Variants in NOL4L observed in about 807,000 individuals in gnomAD.
NOL4L encodes the protein nucleolar protein 4-like.
Under a neutral mutation model 64.5 loss-of-function variants are expected in NOL4L, and 7 were observed. The ratio of observed to expected loss-of-function variants is 0.11; its 90% confidence interval spans 0.06 to 0.20. The LOEUF is 0.20. NOL4L is among the 10% of genes least tolerant of loss of function. The pLI, the probability that NOL4L is intolerant of heterozygous loss-of-function variation, is 1.00. For synonymous variants in NOL4L, 413 were observed against 401.0 expected (o/e 1.03, Z -0.36); for missense variants, 680 against 967.1 (o/e 0.70, Z 3.94).
intron 1 of NOL4L, among the ~76,000 whole-genome samples, chr20:32,572,162 T>C (rs1979782582): frequency 6.6e-6 from 1 of 152,336 alleles, no homozygotes; most frequent in South Asian, 2.1e-4. Flanking sequence ...CTGTGCTAGC[T>C]GGAGTCTGTA....
chr20:32,537,869 C>T (rs1404310482), intron 1 of NOL4L, among the ~76,000 whole-genome samples: 1 of 151,946 alleles, frequency 6.6e-6, no homozygotes, highest in Admixed American at 6.5e-5. Context: ...ACCTCCGGCT[C>T]CTGGGTTCAA....
chr20:32,497,497 C>T (rs1269483049), intron 4 of NOL4L, among the ~76,000 whole-genome samples: 2 of 152,144 alleles, frequency 1.3e-5, no homozygotes, highest in Non-Finnish European at 2.9e-5. Flanking sequence ...AAACCAGGGA[C>T]GGCTGCAGAA....
At chr20:32,523,558 G>C (rs2018019706) in intron 2 of NOL4L, among the ~76,000 whole-genome samples, 1 of 152,222 alleles carries the variant, frequency 6.6e-6, no homozygotes, top group Non-Finnish European at 1.5e-5. Flanking sequence ...AGATGCTCTA[G>C]TTAATAGGAT....
chr20:32,549,935 A>C (rs1264088067), intron 1 of NOL4L, among the ~76,000 whole-genome samples: 1 of 152,236 alleles, frequency 6.6e-6, no homozygotes, highest in Non-Finnish European at 1.5e-5. Flanking sequence ...TAAAAAGCAG[A>C]GGTGAACACA....
intron 4 of NOL4L, among the ~76,000 whole-genome samples, chr20:32,507,050 G>A (rs1372924012): frequency 6.6e-6 from 1 of 152,150 alleles, no homozygotes; most frequent in Non-Finnish European, 1.5e-5. Flanking sequence ...TGAGCCCTGA[G>A]CCTCTCTGGG....
At chr20:32,571,182 GT>G (rs1186189453) in intron 1 of NOL4L, among the ~76,000 whole-genome samples, 2 of 152,010 alleles carry the variant, frequency 1.3e-5, no homozygotes, top group African/African-American at 4.8e-5. Flanking sequence ...TATTGTGGGG[GT>G]TTTTTTGTTT....
In NOL4L at chr20:32,460,898, G is replaced by A. The variant is rs1051249834; in HGVS notation, c.842-4503C>T. On this transcript the variant is annotated intron_variant, in intron 5 of 10. Coordinates refer to ENST00000621426, the MANE Select transcript of NOL4L (RefSeq NM_001256798.2). This position sits in a 1 kb window ranked among gnomAD's most constrained non-coding sequence, Gnocchi z 5.7. ...CCAGCTTTCTGGCCCCTGAGCCATG[G>A]TGTCTCCCCTACTCTCGGCGACTCC... is the stretch of plus-strand genomic sequence containing the variant. Among the ~76,000 whole-genome samples, 108 of 152,308 alleles carry A rather than the reference G, an allele frequency of 7.1e-4. No individual in the cohort carries two copies. Among genetic ancestry groups the A allele is most frequent in the African/African-American group, 2.5e-3 (103 of 41,566 alleles).
intron 1 of NOL4L, among the ~76,000 whole-genome samples, chr20:32,560,216 A>C (rs1237218439): frequency 6.6e-6 from 1 of 152,154 alleles, no homozygotes; most frequent in Non-Finnish European, 1.5e-5. Flanking sequence ...CCTGCTGAAT[A>C]ATGACCATTC....
At chr20:32,499,176 C>CA (rs1367292624) in intron 4 of NOL4L, among the ~76,000 whole-genome samples, 3 of 151,838 alleles carry the variant, frequency 2.0e-5, no homozygotes, top group Non-Finnish European at 1.5e-5. Flanking sequence ...TGCTCCTGGC[C>CA]AAAAAAAATT....
chr20:32,544,825 A>G (rs1205238781), intron 1 of NOL4L, among the ~76,000 whole-genome samples: 2 of 152,234 alleles, frequency 1.3e-5, no homozygotes, highest in Non-Finnish European at 2.9e-5. Flanking sequence ...CTTGGTCACT[A>G]GTAAAATCCA....
chr20:32,521,538 A>C (rs1353477731), intron 2 of NOL4L, among the ~76,000 whole-genome samples: 1 of 152,220 alleles, frequency 6.6e-6, no homozygotes, highest in Non-Finnish European at 1.5e-5. Context: ...TTTTCAAGGC[A>C]GTGCCAGACT....
intron 4 of NOL4L, among the ~76,000 whole-genome samples, chr20:32,491,459 T>C (rs1184285759): frequency 6.6e-6 from 1 of 152,200 alleles, no homozygotes; most frequent in African/African-American, 2.4e-5. Flanking sequence ...GACGCGTTTG[T>C]GGTACTTTCT....
At chr20:32,579,966 G>T (rs909595708) in intron 1 of NOL4L, among the ~76,000 whole-genome samples, 16 of 152,112 alleles carry the variant, frequency 1.1e-4, no homozygotes, top group Non-Finnish European at 2.9e-5. Context: ...TGTTGTGCCA[G>T]TCCTGCCTCA....
intron 4 of NOL4L, among the ~76,000 whole-genome samples, chr20:32,481,107 T>C (rs1453619309): frequency 6.6e-6 from 1 of 152,214 alleles, no homozygotes; most frequent in Non-Finnish European, 1.5e-5. Flanking sequence ...CGTATTCCCA[T>C]CTACATGTGG....
intron 4 of NOL4L, among the ~76,000 whole-genome samples, chr20:32,500,419 T>C (rs1218016170): frequency 1.3e-5 from 2 of 149,770 alleles, no homozygotes; most frequent in Non-Finnish European, 3.0e-5. Context: ...AGTGGCACAA[T>C]CTCGGCTCAT....
At chr20:32,544,097 A>AT (rs1274930012) in intron 1 of NOL4L, among the ~76,000 whole-genome samples, 52 of 152,088 alleles carry the variant, frequency 3.4e-4, no homozygotes, top group African/African-American at 1.2e-3. Context: ...CCATAGAGGG[A>AT]TTTTAAGCAG....
chr20:32,576,439 G>C (rs375622519), intron 1 of NOL4L, among the ~76,000 whole-genome samples: 97 of 152,328 alleles, frequency 6.4e-4, no homozygotes, highest in African/African-American at 2.2e-3. Context: ...AGGTGTGGCC[G>C]AGGAAGGGGA....
At chr20:32,462,311 C>T (rs2014144797) in intron 5 of NOL4L, among the ~76,000 whole-genome samples, 2 of 152,200 alleles carry the variant, frequency 1.3e-5, no homozygotes, top group African/African-American at 4.8e-5. Flanking sequence ...TCTGAGTAGT[C>T]CAGGGTCTTC....
At chr20:32,495,751 G>A (rs1008516491) in intron 4 of NOL4L, among the ~76,000 whole-genome samples, 1 of 152,028 alleles carries the variant, frequency 6.6e-6, no homozygotes, top group African/African-American at 2.4e-5. Context: ...AAGCCCAGGA[G>A]TTCAAGACCA....
Sources: allele counts gnomAD v4.1 joint callset (sites outside exome capture counted in the v4.1 genomes callset), GRCh38; gene constraint gnomAD v4.1.1; non-coding constraint Gnocchi (gnomAD v3.1); transcripts MANE v1.5; gene names NCBI Gene and HGNC (gene_info 2026-07-23, HGNC 2026-07-21).